Variants in MAP4 observed in about 807,000 individuals in gnomAD.
MAP4 encodes the protein microtubule associated protein 4, also known as microtubule-associated protein 4.
MAP4 carries 76 observed loss-of-function variants against 170.2 expected under a neutral mutation model. That is an observed-to-expected ratio of 0.45 (90% CI 0.37 to 0.54). The LOEUF is 0.54. MAP4 is among the 20% of genes least tolerant of loss of function. The probability of loss-of-function intolerance (pLI) is 0.00; values close to 1 mark genes in which losing one functional copy is unlikely to be tolerated. For missense variants in MAP4, 2,506 were observed against 2,748.0 expected (o/e 0.91, Z 1.97); for synonymous variants, 909 against 994.5 (o/e 0.91, Z 1.62).
intron 3 of MAP4, among the ~76,000 whole-genome samples, chr3:47,977,431 C>T (rs779117366): frequency 4.6e-5 from 7 of 152,126 alleles, no homozygotes; most frequent in Non-Finnish European, 1.0e-4. Context: ...AGGAAACACA[C>T]TGGGGGCAAA....
At chr3:47,908,789 C>T (rs944144732) in intron 9 of MAP4, among the ~76,000 whole-genome samples, 1 of 152,114 alleles carries the variant, frequency 6.6e-6, no homozygotes, top group African/African-American at 2.4e-5. Context: ...AATTCAACTT[C>T]CCCTAAAATT....
chr3:47,900,735 A>AAAC lies in MAP4; in HGVS notation c.5434+2212_5434+2214dup, dbSNP rs376549564. Among the ~76,000 whole-genome samples the AAAC allele has an allele frequency of 2.5e-3, 379 of 151,978 alleles. 2 individuals carry two copies. The highest frequency in any genetic ancestry group is 8.1e-3 in the South Asian group (39 of 4,804). On this transcript the variant is annotated intron_variant, in intron 10 of 20. Transcript: ENST00000683076. ...TGGGCTACAGAGGGAGACTGTCTCA[A>AAAC]AACAACAACAACAACAACAACAACA...
At chr3:48,055,454 C>T (rs1355741578) in intron 1 of MAP4, among the ~76,000 whole-genome samples, 17 of 151,166 alleles carry the variant, frequency 1.1e-4, no homozygotes, top group African/African-American at 3.4e-4. Flanking sequence ...GATCCGCCAA[C>T]CTCGGCCTCC....
chr3:47,865,094 G>C (rs1388250635), intron 17 of MAP4, among the ~76,000 whole-genome samples: 1 of 152,066 alleles, frequency 6.6e-6, no homozygotes, highest in Non-Finnish European at 1.5e-5. Flanking sequence ...AAAGTGAAAA[G>C]GCTTTAAAAA....
chr3:48,056,712 G>A (rs1332406521), intron 1 of MAP4, among the ~76,000 whole-genome samples: 31 of 94,676 alleles, frequency 3.3e-4, no homozygotes, highest in African/African-American at 4.4e-4. Context: ...TGGGAGGTGA[G>A]GGGCGCCTCT....
At chr3:47,949,128 CTACGTGCCAGGT>C (rs2100061999) in intron 3 of MAP4, among the ~76,000 whole-genome samples, 1 of 152,138 alleles carries the variant, frequency 6.6e-6, no homozygotes, top group Non-Finnish European at 1.5e-5. Flanking sequence ...AGTACATATA[CTACGTGCCAGGT>C]TCCATTTAGG....
chr3:48,021,269 A>G (rs541152131), upstream of MAP4, among the ~76,000 whole-genome samples: 2 of 152,242 alleles, frequency 1.3e-5, no homozygotes, highest in Admixed American at 1.3e-4. Context: ...AAAAACCTAT[A>G]AGGTTTTATT....
chr3:48,027,033 T>C (rs1004798173), intron 1 of MAP4, among the ~76,000 whole-genome samples: 6 of 152,212 alleles, frequency 3.9e-5, no homozygotes, highest in African/African-American at 1.4e-4. Flanking sequence ...AGGCGGCAAG[T>C]ATGCCAAGAG....
At chr3:47,979,638 T>G (rs1311803004) in intron 2 of MAP4, among the ~76,000 whole-genome samples, 1 of 151,924 alleles carries the variant, frequency 6.6e-6, no homozygotes, top group Non-Finnish European at 1.5e-5. Flanking sequence ...TTTTTGTATT[T>G]TTAGTAGAGA....
intron 3 of MAP4, among the ~76,000 whole-genome samples, chr3:47,950,503 T>A (rs933889558): frequency 6.6e-6 from 1 of 151,936 alleles, no homozygotes; most frequent in Non-Finnish European, 1.5e-5. Context: ...TGTGTAGGAG[T>A]AGATCATATA....
chr3:47,934,434 T>C (rs888286058), intron 3 of MAP4, among the ~76,000 whole-genome samples: 1 of 152,142 alleles, frequency 6.6e-6, no homozygotes, highest in Admixed American at 6.6e-5. Flanking sequence ...TCTTGAGTAC[T>C]GGGACTACAA....
chr3:48,067,625 G>A (rs896829699), intron 1 of MAP4, among the ~76,000 whole-genome samples: 14 of 139,060 alleles, frequency 1.0e-4, no homozygotes, highest in Admixed American at 5.3e-4. Flanking sequence ...AAGTTAACAA[G>A]AGAAACCTTT....
chr3:47,987,594 C>T (rs182540817), intron 2 of MAP4, among the ~76,000 whole-genome samples: 2 of 152,338 alleles, frequency 1.3e-5, no homozygotes, highest in East Asian at 3.9e-4. Flanking sequence ...ATCTGTGTAT[C>T]CATCTTCTCC....
chr3:47,979,632 T>G (rs921044478), intron 2 of MAP4, among the ~76,000 whole-genome samples: 1 of 151,998 alleles, frequency 6.6e-6, no homozygotes, highest in African/African-American at 2.4e-5. Context: ...AATTTTTTTT[T>G]GTATTTTTAG....
At chr3:48,053,532 AT>A (rs1008615729) in intron 1 of MAP4, among the ~76,000 whole-genome samples, 72 of 152,046 alleles carry the variant, frequency 4.7e-4, no homozygotes, top group African/African-American at 1.4e-3. Flanking sequence ...GAACACTTTT[AT>A]TTTTTTTATT....
At chr3:47,902,673 C>CAA (rs3051642) in intron 10 of MAP4, among the ~76,000 whole-genome samples, 1,632 of 25,740 alleles carry the variant, frequency 0.063, 354 homozygotes, top group Middle Eastern at 0.16. Context: ...GACTCTGTCT[C>CAA]AAAAAAAAAA....
chr3:47,882,531 T>C (rs1483924138), intron 10 of MAP4, among the ~76,000 whole-genome samples: 1 of 152,136 alleles, frequency 6.6e-6, no homozygotes, highest in Non-Finnish European at 1.5e-5. Flanking sequence ...TTTGAGTATA[T>C]TGCTCTGTAT....
chr3:48,033,475 G>C (rs2100117198), intron 1 of MAP4, among the ~76,000 whole-genome samples: 1 of 152,104 alleles, frequency 6.6e-6, no homozygotes, highest in South Asian at 2.1e-4. Context: ...AAGTATATTA[G>C]TTTTCTTTCC....
intron 1 of MAP4, among the ~76,000 whole-genome samples, chr3:48,026,065 T>C (rs1162186930): frequency 6.6e-6 from 1 of 152,102 alleles, no homozygotes; most frequent in Non-Finnish European, 1.5e-5. Flanking sequence ...TACTGCTTTG[T>C]ATTACCTTAC....
Sources: allele counts gnomAD v4.1 joint callset (sites outside exome capture counted in the v4.1 genomes callset), GRCh38; gene constraint gnomAD v4.1.1; transcripts MANE v1.5; gene names NCBI Gene and HGNC (gene_info 2026-07-23, HGNC 2026-07-21).